The following GRID2 variants were observed in gnomAD, a reference collection of about 807,000 sequenced individuals.
GRID2 encodes glutamate receptor ionotropic, delta-2.
A neutral mutation model predicts 114.8 loss-of-function variants in GRID2; 33 were observed. That is an observed-to-expected ratio of 0.29 (90% CI 0.22 to 0.38). The LOEUF (loss-of-function observed/expected upper bound fraction) is 0.38, where lower values mean the gene tolerates loss of function less well. Ranked by LOEUF, GRID2 falls within the 10% of genes least tolerant of loss-of-function variation. GRID2 has a pLI of 1.00. For missense variants in GRID2, 1,184 were observed against 1,257.7 expected (o/e 0.94, Z 0.89); for synonymous variants, 505 against 449.9 (o/e 1.12, Z -1.55).
intron 5 of GRID2, among the ~76,000 whole-genome samples, chr4:93,215,285 T>C (rs996892777): frequency 2.6e-5 from 4 of 152,106 alleles, no homozygotes; most frequent in African/African-American, 9.6e-5. Context: ...AGTCATACAA[T>C]TTTCCACTGC....
At chr4:92,969,746 A>C (rs2149168994) in intron 2 of GRID2, among the ~76,000 whole-genome samples, 1 of 151,914 alleles carries the variant, frequency 6.6e-6, no homozygotes, top group African/African-American at 2.4e-5. Context: ...TAGATTATTA[A>C]AAATTGTTTT....
At chr4:92,720,974 G>A (rs10155056) in intron 2 of GRID2, among the ~76,000 whole-genome samples, 40,698 of 151,990 alleles carry the variant, frequency 0.27, 5,693 homozygotes, top group East Asian at 0.42. Context: ...TGAGCCTTAA[G>A]AAGGAAGACC....
In GRID2 at chr4:92,891,196, A is replaced by C. The variant is rs183979023; in HGVS notation, c.245-193799A>C. Among the ~76,000 whole-genome samples, 520 of 152,234 alleles carry C rather than the reference A, an allele frequency of 3.4e-3. 9 individuals carry two copies. The highest frequency in any genetic ancestry group is 7.8e-4 in the Non-Finnish European group (53 of 68,020). The stretch of plus-strand genomic sequence containing the variant: ...TGGGTTGATGGGTGCAGCAAACCAT[A>C]ATGGCACGTGTATACCTATGTAACA... On this transcript the variant is annotated intron_variant, in intron 2 of 15. Transcript: ENST00000282020.
At chr4:92,748,329 T>C (rs2149336500) in intron 2 of GRID2, among the ~76,000 whole-genome samples, 1 of 152,050 alleles carries the variant, frequency 6.6e-6, no homozygotes, top group South Asian at 2.1e-4. Flanking sequence ...AAAAAGAAAA[T>C]TCAGATTCAG....
At chr4:92,634,869 GAGAGAGAGAA>G (rs1730992204) in intron 2 of GRID2, among the ~76,000 whole-genome samples, 1 of 134,058 alleles carries the variant, frequency 7.5e-6, no homozygotes, top group South Asian at 2.5e-4. Context: ...CAGAGAGAGA[GAGAGAGAGAA>G]AGAGAGAGAG....
chr4:92,306,783 A>C (rs1725430264), intron 1 of GRID2, among the ~76,000 whole-genome samples: 1 of 152,198 alleles, frequency 6.6e-6, no homozygotes, highest in African/African-American at 2.4e-5. Flanking sequence ...GGCTATAATC[A>C]CATTTAAAAA....
intron 2 of GRID2, among the ~76,000 whole-genome samples, chr4:93,041,299 G>T (rs1255220216): frequency 6.6e-6 from 1 of 152,126 alleles, no homozygotes; most frequent in East Asian, 1.9e-4. Flanking sequence ...AACTTACAGG[G>T]CACTGCTTAG....
intron 1 of GRID2, among the ~76,000 whole-genome samples, chr4:92,409,726 A>T (rs548387206): frequency 9.8e-5 from 15 of 152,306 alleles, no homozygotes; most frequent in Non-Finnish European, 1.9e-4. Context: ...TTGATCCAAT[A>T]ATTTTTAAGT....
intron 2 of GRID2, among the ~76,000 whole-genome samples, chr4:92,917,850 T>C (rs1170953906): frequency 6.6e-6 from 1 of 152,196 alleles, no homozygotes; most frequent in Non-Finnish European, 1.5e-5. Context: ...TTTGGTTCCA[T>C]GTGAGCTTTA....
intron 2 of GRID2, among the ~76,000 whole-genome samples, chr4:92,787,938 C>T (rs1302896091): frequency 4.0e-5 from 6 of 151,572 alleles, no homozygotes; most frequent in Admixed American, 6.6e-5. Context: ...AGGATAACCT[C>T]GTGGCTTTTA....
intron 2 of GRID2, among the ~76,000 whole-genome samples, chr4:93,068,818 A>G (rs1014689789): frequency 2.0e-5 from 3 of 152,108 alleles, no homozygotes; most frequent in East Asian, 3.9e-4. Flanking sequence ...TCATTATTGC[A>G]TTGCTATAAA....
chr4:92,474,325 C>G (rs1455937776), intron 1 of GRID2, among the ~76,000 whole-genome samples: 1 of 151,976 alleles, frequency 6.6e-6, no homozygotes, highest in Non-Finnish European at 1.5e-5. Context: ...CCAGTTTCAT[C>G]CATGTTGTCA....
chr4:92,925,236 C>A (rs939674183), intron 2 of GRID2, among the ~76,000 whole-genome samples: 2 of 151,952 alleles, frequency 1.3e-5, no homozygotes, highest in East Asian at 3.9e-4. Context: ...TCTCCTTTCA[C>A]CCCCACCATG....
At chr4:93,418,319 G>T (rs988821227) in intron 9 of GRID2, among the ~76,000 whole-genome samples, 7 of 151,536 alleles carry the variant, frequency 4.6e-5, no homozygotes, top group African/African-American at 1.7e-4. Flanking sequence ...TATTAATTCT[G>T]ACCTATTGCA....
At chr4:93,539,442 C>T (rs547015520) in intron 13 of GRID2, among the ~76,000 whole-genome samples, 1 of 152,062 alleles carries the variant, frequency 6.6e-6, no homozygotes, top group African/African-American at 2.4e-5. Context: ...TCATAATGTT[C>T]AAATGTGCCC....
At chr4:92,813,404 G>T (rs1740743457) in intron 2 of GRID2, among the ~76,000 whole-genome samples, 1 of 152,068 alleles carries the variant, frequency 6.6e-6, no homozygotes, top group African/African-American at 2.4e-5. Flanking sequence ...TCATTAATAG[G>T]TTCTACTTAA....
chr4:93,539,447 G>A (rs1407180441), intron 13 of GRID2, among the ~76,000 whole-genome samples: 2 of 151,914 alleles, frequency 1.3e-5, no homozygotes, highest in Non-Finnish European at 2.9e-5. Flanking sequence ...ATGTTCAAAT[G>A]TGCCCAGTAT....
At chr4:93,799,318 C>T (rs1312714525) in intron 1 of GRID2, among the ~76,000 whole-genome samples, 1 of 151,984 alleles carries the variant, frequency 6.6e-6, no homozygotes, top group African/African-American at 2.4e-5. Context: ...ATTTGAGTGA[C>T]AAATATTAAA....
At chr4:92,643,090 G>T (rs1336069376) in intron 2 of GRID2, among the ~76,000 whole-genome samples, 3 of 151,452 alleles carry the variant, frequency 2.0e-5, no homozygotes, top group Admixed American at 6.6e-5. Flanking sequence ...GCTCTTTTTT[G>T]GTTCCATGTG....
Sources: gnomAD v4.1 joint callset for allele counts (sites outside exome capture counted in the v4.1 genomes callset) on GRCh38, gnomAD v4.1.1 for gene constraint, MANE v1.5 for transcripts, NCBI Gene and HGNC (gene_info 2026-07-23, HGNC 2026-07-21) for gene names.